The following VSTM2L variants were observed in gnomAD, a reference collection of about 807,000 sequenced individuals.
The protein encoded by VSTM2L is V-set and transmembrane domain-containing protein 2-like protein.
A neutral mutation model predicts 19.9 loss-of-function variants in VSTM2L; 9 were observed. The observed-to-expected ratio is 0.45, with a 90% CI of 0.27 to 0.79. The LOEUF is 0.79. VSTM2L is among the 30% of genes least tolerant of loss of function. The probability of loss-of-function intolerance (pLI) is 0.15; values close to 1 mark genes in which losing one functional copy is unlikely to be tolerated. For synonymous variants in VSTM2L, 127 were observed against 133.8 expected (o/e 0.95, Z 0.35); for missense variants, 286 against 295.5 (o/e 0.97, Z 0.24).
chr20:37,914,331 A>G, intron 1 of VSTM2L, among the ~76,000 whole-genome samples: 5 of 4,944 alleles, frequency 1.0e-3, no homozygotes, highest in Non-Finnish European at 1.3e-3. Flanking sequence ...TGTGTGGGGT[A>G]TGGGTGTATG....
At chr20:37,930,024 T>A (rs145203739) in intron 1 of VSTM2L, among the ~76,000 whole-genome samples, 2 of 152,282 alleles carry the variant, frequency 1.3e-5, no homozygotes, top group Non-Finnish European at 2.9e-5. Context: ...TTATTCCTAT[T>A]AACTAACCAG....
intron 3 of VSTM2L, among the ~76,000 whole-genome samples, chr20:37,934,755 G>T (rs2072930021): frequency 6.6e-6 from 1 of 152,110 alleles, no homozygotes; most frequent in Non-Finnish European, 1.5e-5. Context: ...ATCAGAGGTG[G>T]CATCATGGAG....
In VSTM2L at chr20:37,944,959, C is replaced by T; in HGVS notation, c.*706C>T. ...GGGCCTTTCCCTCGGACCCATGGCC[C>T]CAGGCAGAGTTTTGCACCAGCAGGA... On this transcript the variant is annotated 3_prime_UTR_variant, in exon 4 of 4. Coordinates refer to ENST00000373461, the MANE Select transcript of VSTM2L (RefSeq NM_080607.3). 1.0e-6 allele frequency: 1 copy of T among 985,812 alleles called. No individual in the cohort carries two copies. The highest frequency in any genetic ancestry group is 1.2e-6 in the Non-Finnish European group (1 of 829,976). 61.1% of individuals were successfully genotyped at this position (985,812 alleles called of 1,614,324 possible). A position where few individuals can be genotyped will look rare whatever the true frequency, so the allele number is the denominator to read the frequency against.
intron 1 of VSTM2L, among the ~76,000 whole-genome samples, chr20:37,918,418 T>G (rs946167127): frequency 6.6e-6 from 1 of 152,202 alleles, no homozygotes; most frequent in Admixed American, 6.5e-5. Context: ...CCAGTCTCCC[T>G]TGTTAATGAG....
intron 1 of VSTM2L, among the ~76,000 whole-genome samples, chr20:37,908,582 G>A (rs918121150): frequency 9.2e-5 from 14 of 152,232 alleles, no homozygotes; most frequent in Non-Finnish European, 8.8e-5. Flanking sequence ...GGAGGCTGAG[G>A]TGGGTGGATG....
At chr20:37,940,405 A>C (rs1475833893) in intron 3 of VSTM2L, among the ~76,000 whole-genome samples, 2 of 152,218 alleles carry the variant, frequency 1.3e-5, no homozygotes, top group Non-Finnish European at 2.9e-5. Context: ...CTTTCCCTCC[A>C]CGTAGGGGAC....
intron 1 of VSTM2L, among the ~76,000 whole-genome samples, chr20:37,917,166 TAGTC>T (rs1226513481): frequency 6.6e-6 from 1 of 151,906 alleles, no homozygotes; most frequent in African/African-American, 2.4e-5. Flanking sequence ...ACAAAAAAAT[TAGTC>T]AGGCGTGGTG....
In VSTM2L at chr20:37,903,300, T is replaced by C; in HGVS notation, c.-51T>C. The stretch of plus-strand genomic sequence containing the variant: ...GGGACAGCTGGCGCCGGTTCTGCGG[T>C]CTCCGGGGCCCAGATGTGAGGCGGC... On this transcript the variant is annotated 5_prime_UTR_variant, in exon 1 of 4. Transcript: ENST00000373461. 7.4e-7 allele frequency: 1 copy of C among 1,354,200 alleles called. No homozygotes were observed. The highest frequency in any genetic ancestry group is 3.2e-5 in the East Asian group (1 of 31,576). 83.9% of individuals were successfully genotyped at this position (1,354,200 alleles called of 1,614,324 possible). A position where few individuals can be genotyped will look rare whatever the true frequency, so the allele number is the denominator to read the frequency against.
rs138318362 is a variant in VSTM2L, at chr20:37,904,047, C to G, written c.121+576C>G. ...CTGCCTTTACTCTTCTGGGTTTAAC[C>G]GCACAGAGGCCCTTGTCCTCTTCCT... On this transcript the variant is annotated intron_variant, in intron 1 of 3. Transcript: ENST00000373461. Among the ~76,000 whole-genome samples, 43 of 152,350 alleles carry G rather than the reference C, an allele frequency of 2.8e-4. No homozygotes were observed. The East Asian group carries it at 7.5e-3, about 27-fold the overall frequency.
intron 1 of VSTM2L, among the ~76,000 whole-genome samples, chr20:37,930,605 T>A (rs1461129143): frequency 6.6e-6 from 1 of 152,018 alleles, no homozygotes; most frequent in East Asian, 1.9e-4. Flanking sequence ...ACAGAACATA[T>A]GGTGGGGAGG....
chr20:37,936,814 G>A (rs1039002040), intron 3 of VSTM2L, among the ~76,000 whole-genome samples: 2 of 152,180 alleles, frequency 1.3e-5, no homozygotes, highest in African/African-American at 2.4e-5. Flanking sequence ...AAGTGCCATG[G>A]ATTAGGCTAT....
chr20:37,919,395 C>T (rs1240299912), intron 1 of VSTM2L, among the ~76,000 whole-genome samples: 2 of 152,222 alleles, frequency 1.3e-5, no homozygotes, highest in African/African-American at 2.4e-5. Flanking sequence ...AGAGAACCCT[C>T]GGGTGCCTCC....
intron 3 of VSTM2L, among the ~76,000 whole-genome samples, chr20:37,940,829 T>A (rs1051416728): frequency 2.6e-5 from 4 of 151,232 alleles, no homozygotes; most frequent in African/African-American, 9.8e-5. Context: ...AGGAGAAGAG[T>A]GAACGAAGGG....
chr20:37,942,102 GA>G (rs2072975613), intron 3 of VSTM2L, among the ~76,000 whole-genome samples: 1 of 152,076 alleles, frequency 6.6e-6, no homozygotes, highest in African/African-American at 2.4e-5. Flanking sequence ...CTTTAATCTG[GA>G]AATCACATAA....
At chr20:37,907,012 G>T (rs1456031161) in intron 1 of VSTM2L, among the ~76,000 whole-genome samples, 1 of 152,174 alleles carries the variant, frequency 6.6e-6, no homozygotes, top group Non-Finnish European at 1.5e-5. Flanking sequence ...GCCTCACATG[G>T]CAGAGTCCCC....
intron 1 of VSTM2L, among the ~76,000 whole-genome samples, chr20:37,904,143 G>C (rs950062837): frequency 6.6e-6 from 1 of 152,188 alleles, no homozygotes; most frequent in Non-Finnish European, 1.5e-5. Flanking sequence ...AGAACTGGTC[G>C]CCTGGGGCTG....
intron 1 of VSTM2L, among the ~76,000 whole-genome samples, chr20:37,929,653 G>A (rs1202679981): frequency 1.3e-5 from 2 of 152,280 alleles, no homozygotes; most frequent in African/African-American, 2.4e-5. Context: ...GGAAGCGGGA[G>A]GCCAGTGAGG....
intron 3 of VSTM2L, among the ~76,000 whole-genome samples, chr20:37,934,695 T>G (rs2072929691): frequency 6.6e-6 from 1 of 151,954 alleles, no homozygotes; most frequent in African/African-American, 2.4e-5. Flanking sequence ...CAAACCGAGG[T>G]CACCATGTGG....
At chr20:37,917,187 G>T (rs1044426364) in intron 1 of VSTM2L, among the ~76,000 whole-genome samples, 28 of 152,064 alleles carry the variant, frequency 1.8e-4, no homozygotes, top group Admixed American at 1.1e-3. Context: ...GGTGGAGGCC[G>T]CCTGTAATCC....
Sources: gnomAD v4.1 joint callset for allele counts (sites outside exome capture counted in the v4.1 genomes callset) on GRCh38, gnomAD v4.1.1 for gene constraint, MANE v1.5 for transcripts, NCBI Gene and HGNC (gene_info 2026-07-23, HGNC 2026-07-21) for gene names.